Variants in ATP8A1 observed in about 807,000 individuals in gnomAD.
The protein encoded by ATP8A1 is phospholipid-transporting ATPase IA.
ATP8A1 carries 90 observed loss-of-function variants against 177.7 expected under a neutral mutation model. The observed-to-expected ratio is 0.51, with a 90% CI of 0.43 to 0.60. ATP8A1 has a LOEUF of 0.60. Among genes scored for constraint, ATP8A1 ranks in the 20% least tolerant of loss-of-function variants. ATP8A1 has a pLI of 0.00. For missense variants in ATP8A1, 1,072 were observed against 1,392.8 expected (o/e 0.77, Z 3.67); for synonymous variants, 493 against 485.9 (o/e 1.01, Z -0.19).
At chr4:42,563,662 G>A (rs1222121476) in intron 15 of ATP8A1, among the ~76,000 whole-genome samples, 5 of 152,190 alleles carry the variant, frequency 3.3e-5, no homozygotes, top group Non-Finnish European at 7.3e-5. Flanking sequence ...TCCCCATGCT[G>A]TGTGCAGTCT....
intron 6 of ATP8A1, among the ~76,000 whole-genome samples, chr4:42,591,897 C>T (rs958461645): frequency 6.6e-5 from 10 of 152,030 alleles, no homozygotes; most frequent in Admixed American, 5.2e-4. Context: ...TGCTCACTTG[C>T]GGGTAAAAAT....
At chr4:42,443,696 C>T in intron 32 of ATP8A1, 24 bp from the exon 33 acceptor site, 1 of 1,094,428 alleles carries the variant, frequency 9.1e-7, no homozygotes, top group Non-Finnish European at 1.4e-6. Context: ...AAATCTGAGT[C>T]AAAAAAGTTT....
intron 1 of ATP8A1, among the ~76,000 whole-genome samples, chr4:42,636,445 T>C (rs1483156751): frequency 1.3e-5 from 2 of 151,852 alleles, no homozygotes; most frequent in Non-Finnish European, 2.9e-5. Context: ...AAGGAACCAC[T>C]ACTCTGGAAA....
At chr4:42,551,978 AGTACTTAATACTGATAACT>A (rs1729545711) in intron 17 of ATP8A1, among the ~76,000 whole-genome samples, 1 of 152,186 alleles carries the variant, frequency 6.6e-6, no homozygotes. Context: ...ATTAAGCCTA[AGTACTTAATACTGATAACT>A]GTACTAATAA....
chr4:42,578,033 G>A (rs1478491152), intron 12 of ATP8A1, among the ~76,000 whole-genome samples: 1 of 151,906 alleles, frequency 6.6e-6, no homozygotes, highest in Admixed American at 6.6e-5. Flanking sequence ...CATCTCCCAC[G>A]ACCACCATAG....
chr4:42,555,143 TATC>T (rs1560454754), intron 16 of ATP8A1, among the ~76,000 whole-genome samples: 2,610 of 64,534 alleles, frequency 0.04, 77 homozygotes, highest in East Asian at 0.047. Context: ...CTATCTAATC[TATC>T]TATCTATCTA....
In ATP8A1 at chr4:42,627,146, T is replaced by C. The variant is rs750771841; in HGVS notation, c.50-37A>G. 140 of 1,522,198 alleles carry C rather than the reference T, an allele frequency of 9.2e-5. 2 individuals are homozygous for C. The East Asian group carries it at 3.1e-3, about 34-fold the overall frequency. 94.3% of individuals were successfully genotyped at this position (1,522,198 alleles called of 1,614,324 possible). ...ATCTTCTTATTGTACAAGAAATGTT[T>C]TATTGTCCAGACCAAAAACAGATTT... On this transcript the variant is annotated intron_variant, in intron 1 of 36. Transcript: ENST00000381668.
intron 25 of ATP8A1, among the ~76,000 whole-genome samples, chr4:42,482,979 G>A (rs1255942167): frequency 2.0e-5 from 3 of 152,190 alleles, no homozygotes; most frequent in African/African-American, 7.2e-5. Flanking sequence ...GTATTTATCT[G>A]GAGCGTCTAT....
rs543719494 is a variant in ATP8A1, at chr4:42,630,209, T to C, written c.50-3100A>G. Among the ~76,000 whole-genome samples the C allele has an allele frequency of 1.3e-4, 20 of 152,282 alleles. No individual in the cohort carries two copies. In the East Asian group the frequency reaches 3.3e-3, roughly 25 times the overall value. Reference sequence around the variant, plus strand: ...AGAATGGTGACAAAGGCAATCAAAATAGGAGAATCCTTTACCACCCTGCCC... The same window carrying C: ...AGAATGGTGACAAAGGCAATCAAAACAGGAGAATCCTTTACCACCCTGCCC... On this transcript the variant is annotated intron_variant, in intron 1 of 36. Transcript: ENST00000381668.
rs536896788 is a variant in ATP8A1, at chr4:42,490,771, T to G, written c.2152-5103A>C. ...TAATGAACAAATAAACCAAGACACA[T>G]TCCCTTGACCCTACTTTCCCTGAGT... On this transcript the variant is annotated intron_variant, in intron 24 of 36. Coordinates refer to ENST00000381668, the MANE Select transcript of ATP8A1 (RefSeq NM_006095.2). 2.6e-5 allele frequency among the ~76,000 whole-genome samples: 4 copies of G among 152,310 alleles called. No homozygotes were observed. The South Asian group carries it at 6.2e-4, about 24-fold the overall frequency.
chr4:42,442,508 T>C (rs1716740078), intron 33 of ATP8A1, among the ~76,000 whole-genome samples: 1 of 152,192 alleles, frequency 6.6e-6, no homozygotes, highest in African/African-American at 2.4e-5. Flanking sequence ...GTTTTCACAA[T>C]ATATGTTTCA....
At chr4:42,451,928 T>A in intron 30 of ATP8A1, 53 bp downstream of exon 30, 1 of 1,303,486 alleles carries the variant, frequency 7.7e-7, no homozygotes, top group Non-Finnish European at 1.1e-6. Flanking sequence ...AATGAGTTAT[T>A]TTTCTAAAAA....
chr4:42,513,314 C>T lies in ATP8A1; in HGVS notation c.1948-6160G>A, dbSNP rs550906393. 2.6e-5 allele frequency among the ~76,000 whole-genome samples: 4 copies of T among 152,264 alleles called. No individual in the cohort carries two copies. In the South Asian group the frequency reaches 6.2e-4, roughly 24 times the overall value. On this transcript the variant is annotated intron_variant, in intron 22 of 36. Coordinates refer to ENST00000381668, the MANE Select transcript of ATP8A1 (RefSeq NM_006095.2). ...AAACAGTGCTCCCCTGGAAGAATCA[C>T]GTTATATGTTATACCCTATCTTAAA... is the stretch of plus-strand genomic sequence containing the variant.
intron 1 of ATP8A1, among the ~76,000 whole-genome samples, chr4:42,647,066 T>C (rs1476642966): frequency 6.6e-6 from 1 of 151,446 alleles, no homozygotes; most frequent in East Asian, 1.9e-4. Flanking sequence ...CAAAACAGGC[T>C]ACAAAAGATG....
intron 24 of ATP8A1, among the ~76,000 whole-genome samples, chr4:42,502,381 C>T (rs577946027): frequency 6.6e-6 from 1 of 152,302 alleles, no homozygotes; most frequent in African/African-American, 2.4e-5. Flanking sequence ...TGATATTTCA[C>T]TTCTCTTTCT....
At position 42,569,145 on chromosome 4, in the gene ATP8A1, G is replaced by T. The variant is rs1284307597; in HGVS notation, c.1340+16C>A. 3 of 1,582,336 alleles carry T rather than the reference G, an allele frequency of 1.9e-6. No individual in the cohort carries two copies. The highest frequency in any genetic ancestry group is 1.4e-5 in the African/African-American group (1 of 73,472). On this transcript the variant is annotated intron_variant, in intron 15 of 36. Transcript: ENST00000381668. Reference sequence around the variant, plus strand: ...TTTATAGGGATCAATGAGGCAGAAAGTTCCATAGAGCTTACCATTCATCAG... The same window carrying T: ...TTTATAGGGATCAATGAGGCAGAAATTTCCATAGAGCTTACCATTCATCAG...
intron 13 of ATP8A1, 110 bp downstream of exon 13, chr4:42,575,512 T>C (rs888637162): frequency 9.0e-5 from 73 of 808,222 alleles, no homozygotes; most frequent in Middle Eastern, 7.6e-4. Context: ...ATTATTCAAA[T>C]AGTGGAAAAT....
At chr4:42,643,083 A>G (rs1427804383) in intron 1 of ATP8A1, among the ~76,000 whole-genome samples, 1 of 152,226 alleles carries the variant, frequency 6.6e-6, no homozygotes, top group African/African-American at 2.4e-5. Context: ...TGATCACGTG[A>G]AAGACTGTTC....
chr4:42,454,627 A>G (rs902798815), intron 29 of ATP8A1, among the ~76,000 whole-genome samples: 1 of 152,192 alleles, frequency 6.6e-6, no homozygotes, highest in Non-Finnish European at 1.5e-5. Context: ...TTTAGAATAT[A>G]TACTTGCAGG....
Sources: allele counts gnomAD v4.1 joint callset (sites outside exome capture counted in the v4.1 genomes callset), GRCh38; gene constraint gnomAD v4.1.1; transcripts MANE v1.5; gene names NCBI Gene and HGNC (gene_info 2026-07-23, HGNC 2026-07-21).